MED13: variants seen among roughly 807,000 people sequenced by gnomAD.
MED13 encodes the protein mediator of RNA polymerase II transcription subunit 13.
MED13 carries 23 observed loss-of-function variants against 225.2 expected under a neutral mutation model. The ratio of observed to expected loss-of-function variants is 0.10; its 90% CI spans 0.07 to 0.14. The LOEUF (loss-of-function observed/expected upper bound fraction) is 0.14. MED13 is among the 10% of genes least tolerant of loss of function. The pLI, the probability that MED13 is intolerant of heterozygous loss-of-function variation, is 1.00. For synonymous variants in MED13, 942 were observed against 889.2 expected (o/e 1.06, Z -1.06); for missense variants, 2,197 against 2,594.5 (o/e 0.85, Z 3.33).
intron 5 of MED13, chr17:62,032,500 G>C (rs1259729824): frequency 1.4e-5 from 2 of 141,110 alleles, no homozygotes. Context: ...AAAAAAAAAA[G>C]ATGAAATAAG....
chr17:62,015,844 CTA>C (rs1227615623), intron 8 of MED13, among the ~76,000 whole-genome samples: 251 of 109,080 alleles, frequency 2.3e-3, no homozygotes, highest in Middle Eastern at 5.5e-3. Flanking sequence ...TACACACACA[CTA>C]TATATATGTG....
At chr17:62,058,355 T>C (rs2081011234) in intron 2 of MED13, among the ~76,000 whole-genome samples, 1 of 151,550 alleles carries the variant, frequency 6.6e-6, no homozygotes, top group Non-Finnish European at 1.5e-5. Flanking sequence ...TTAAAATCTC[T>C]ACCAAAAATA....
intron 28 of MED13, among the ~76,000 whole-genome samples, 189 bp downstream of exon 28, chr17:61,950,636 G>A (rs529501999): frequency 2.0e-5 from 3 of 152,176 alleles, no homozygotes; most frequent in South Asian, 2.1e-4. Context: ...TGCCTGCCTC[G>A]GCCTCTCAAA....
chr17:62,045,474 G>T (rs1339065470), intron 3 of MED13, among the ~76,000 whole-genome samples: 1 of 151,948 alleles, frequency 6.6e-6, no homozygotes, highest in Non-Finnish European at 1.5e-5. Flanking sequence ...AATGAGTTAT[G>T]ATTGCGCTAC....
At chr17:61,982,165 C>T in intron 16 of MED13, 33 bp downstream of exon 16, 1 of 1,556,414 alleles carries the variant, frequency 6.4e-7, no homozygotes, top group East Asian at 2.3e-5. Flanking sequence ...GGGAAATAAG[C>T]AAACAAAAAA....
intron 11 of MED13, 113 bp downstream of exon 11, chr17:61,992,427 T>C (rs1309685509): frequency 2.5e-5 from 15 of 611,002 alleles, no homozygotes; most frequent in Non-Finnish European, 3.4e-5. Flanking sequence ...GATTCCTTTC[T>C]ATGAAACATA....
At chr17:61,965,836 A>G (rs899098362) in intron 19 of MED13, among the ~76,000 whole-genome samples, 2 of 152,216 alleles carry the variant, frequency 1.3e-5, no homozygotes, top group South Asian at 4.1e-4. Context: ...CTACATTGAC[A>G]GCTAATTAAA....
chr17:61,981,757 TCTATTATATG>T (rs1304853335), intron 16 of MED13, among the ~76,000 whole-genome samples: 1 of 152,014 alleles, frequency 6.6e-6, no homozygotes, highest in Non-Finnish European at 1.5e-5. Context: ...CTTCTTACTA[TCTATTATATG>T]CTTTTTTGTT....
intron 16 of MED13, among the ~76,000 whole-genome samples, chr17:61,977,434 T>C (rs1389547297): frequency 6.6e-6 from 1 of 152,154 alleles, no homozygotes; most frequent in Non-Finnish European, 1.5e-5. Flanking sequence ...ATTCTAATAT[T>C]GCACATTTAT....
At position 62,062,616 on chromosome 17, in the gene MED13, A is replaced by C. The variant is rs866953261; in HGVS notation, c.301+451T>G. ...ACACACACACCACACACACACACAC[A>C]CACACACACACGGATAGTTACATTT... On this transcript the variant is annotated intron_variant, in intron 2 of 29. Coordinates refer to ENST00000397786, the MANE Select transcript of MED13 (RefSeq NM_005121.3). 6.6e-3 allele frequency among the ~76,000 whole-genome samples: 1,003 copies of C among 151,248 alleles called. 13 individuals carry two copies. The highest frequency in any genetic ancestry group is 0.023 in the African/African-American group (950 of 41,324).
chr17:62,037,162 C>T (rs527375296), intron 3 of MED13, among the ~76,000 whole-genome samples: 367 of 150,766 alleles, frequency 2.4e-3, no homozygotes, highest in African/African-American at 8.5e-3. Context: ...CTGAGGCATG[C>T]GAATCGCTTG....
chr17:61,954,990 T>TG (rs1217036797), intron 26 of MED13, among the ~76,000 whole-genome samples: 1 of 152,212 alleles, frequency 6.6e-6, no homozygotes, highest in African/African-American at 2.4e-5. Flanking sequence ...ATCAGGATGT[T>TG]GGCAAGGCTG....
At chr17:62,055,500 G>A (rs1018780203) in intron 2 of MED13, among the ~76,000 whole-genome samples, 3 of 151,914 alleles carry the variant, frequency 2.0e-5, no homozygotes, top group African/African-American at 7.3e-5. Flanking sequence ...ATCTATTTTA[G>A]TTAAACTTGC....
chr17:61,983,459 A>G (rs1295673830), intron 15 of MED13, among the ~76,000 whole-genome samples: 1 of 152,212 alleles, frequency 6.6e-6, no homozygotes, highest in Non-Finnish European at 1.5e-5. Context: ...ATAAAAAAAG[A>G]AAAATGATTT....
intron 3 of MED13, among the ~76,000 whole-genome samples, chr17:62,051,504 C>T (rs888386762): frequency 6.6e-6 from 1 of 152,122 alleles, no homozygotes; most frequent in African/African-American, 2.4e-5. Flanking sequence ...TGAATGCATT[C>T]TGAACTTACA....
intron 26 of MED13, among the ~76,000 whole-genome samples, chr17:61,954,229 T>G (rs1430953121): frequency 1.3e-5 from 2 of 152,222 alleles, no homozygotes; most frequent in African/African-American, 4.8e-5. Context: ...TAACCATACT[T>G]GTGACTTTAG....
In MED13 at chr17:61,972,875, C is replaced by G. The variant is rs1367800317; in HGVS notation, c.3819G>C (p.Gln1273His). ...PWSKRNDVSMQCSQDILRMLL... is the reference protein window; with the variant it reads ...PWSKRNDVSMHCSQDILRMLL... ...GCATTCGAAGTATATCCTGTGAGCA[C>G]TGCATACTCACATCTACAAGCATTT... Residue 1273 changes from glutamine to histidine, a missense_variant, in exon 17 of 30, where the codon CAG becomes CAC. Transcript: ENST00000397786. 1 of 1,591,322 alleles carries G rather than the reference C, an allele frequency of 6.3e-7. No homozygotes were observed. Among genetic ancestry groups the G allele is most frequent in the Non-Finnish European group, 8.5e-7 (1 of 1,173,594 alleles).
At chr17:62,001,629 A>T (rs1446147252) in intron 9 of MED13, among the ~76,000 whole-genome samples, 3 of 152,184 alleles carry the variant, frequency 2.0e-5, no homozygotes, top group Non-Finnish European at 2.9e-5. Flanking sequence ...CAAACTACTA[A>T]GGAGCACCCC....
At chr17:62,016,759 A>G (rs908603032) in intron 8 of MED13, among the ~76,000 whole-genome samples, 7 of 152,234 alleles carry the variant, frequency 4.6e-5, no homozygotes, top group African/African-American at 1.7e-4. Flanking sequence ...CTGTAATCCC[A>G]GCACTTTGGG....
Sources: gnomAD v4.1 joint callset for allele counts (sites outside exome capture counted in the v4.1 genomes callset) on GRCh38, gnomAD v4.1.1 for gene constraint, MANE v1.5 for transcripts, NCBI Gene and HGNC (gene_info 2026-07-23, HGNC 2026-07-21) for gene names.